Variants in MARCHF6 observed in about 807,000 individuals in gnomAD.
MARCHF6 encodes membrane associated ring-CH-type finger 6, also known as E3 ubiquitin-protein ligase MARCHF6.
A neutral mutation model predicts 133.7 loss-of-function variants in MARCHF6; 31 were observed. That is an observed-to-expected ratio of 0.23 (90% CI 0.17 to 0.31). The LOEUF (loss-of-function observed/expected upper bound fraction) is 0.31. MARCHF6 is among the 10% of genes least tolerant of loss of function. MARCHF6 has a pLI of 1.00. For synonymous variants in MARCHF6, 395 were observed against 402.5 expected, an observed-to-expected ratio of 0.98 and a Z score of 0.22; for missense variants, 723 against 1,121.6, an observed-to-expected ratio of 0.64 and a Z score of 5.08.
At chr5:10,380,581 A>G (rs1290150710) in intron 3 of MARCHF6, among the ~76,000 whole-genome samples, 2 of 152,226 alleles carry the variant, frequency 1.3e-5, no homozygotes, top group Non-Finnish European at 2.9e-5. Flanking sequence ...TTGCTCTTGT[A>G]TACCAGATAT....
In MARCHF6 at chr5:10,411,515, G is replaced by A. The variant is rs758641059; in HGVS notation, c.1874G>A (p.Arg625Gln). 7 of 1,613,876 alleles carry A rather than the reference G, an allele frequency of 4.3e-6. No individual in the cohort carries two copies. The highest frequency in any genetic ancestry group is 2.2e-5 in the East Asian group (1 of 44,880). The change falls in exon 19 of 26, where the codon CGA (arginine) becomes CAA (glutamine). Residue 625 changes from arginine (R) to glutamine (Q), a missense_variant. Physicochemically the swap from Arg to Gln is conservative, Grantham distance 43 (BLOSUM62 1). Around this residue, in one of 4 missense-constraint regions of MARCHF6, gnomAD observed 492 missense variants for 699.5 expected, o/e 0.70. Transcript: ENST00000274140. ...CCTGTTGGCTTTCAGCCTTACCGCC[G>A]ACCTTTAAATTTTCCACTCAGGGTA... is the stretch of plus-strand genomic sequence containing the variant. ...GGPVGFQPYR[R>Q]PLNFPLRIFL...
intron 14 of MARCHF6, 133 bp downstream of exon 14, chr5:10,402,740 A>G: frequency 1.3e-6 from 1 of 798,704 alleles, no homozygotes; most frequent in South Asian, 1.8e-5. Flanking sequence ...GTGTATCAGT[A>G]TAGGATCTTA....
chr5:10,433,770 T>G lies in MARCHF6; in HGVS notation c.*86T>G. The G allele has an allele frequency of 9.0e-7, 1 of 1,106,804 alleles. No individual in the cohort carries two copies. Among genetic ancestry groups the G allele is most frequent in the Non-Finnish European group, 1.4e-6 (1 of 726,764 alleles). 68.6% of individuals were successfully genotyped at this position (1,106,804 alleles called of 1,614,324 possible). A position where few individuals can be genotyped will look rare whatever the true frequency, so the allele number is the denominator to read the frequency against. ...TTTGGAGATTTTTCCCAGTGATCTC[T>G]CAGCGTTGTTTTTAAGTTAAATGTA... On this transcript the variant is annotated 3_prime_UTR_variant, in exon 26 of 26. Transcript: ENST00000274140.
At chr5:10,387,707 A>G (rs781365750) in intron 5 of MARCHF6, among the ~76,000 whole-genome samples, 11 of 152,010 alleles carry the variant, frequency 7.2e-5, no homozygotes, top group South Asian at 6.2e-4. Context: ...GCCTCGCTCT[A>G]TTACCTGGGG....
chr5:10,369,759 C>G (rs1393104535), intron 1 of MARCHF6, among the ~76,000 whole-genome samples: 1 of 152,042 alleles, frequency 6.6e-6, no homozygotes, highest in Non-Finnish European at 1.5e-5. Flanking sequence ...TCTTTTGAGT[C>G]TGGTTTCTTT....
chr5:10,376,722 G>A (rs1284547674), intron 1 of MARCHF6, among the ~76,000 whole-genome samples: 1 of 152,180 alleles, frequency 6.6e-6, no homozygotes, highest in East Asian at 1.9e-4. Context: ...TCACAGAAGA[G>A]TAGCCACAGG....
chr5:10,359,740 C>T (rs1735697027), intron 1 of MARCHF6, among the ~76,000 whole-genome samples: 1 of 152,184 alleles, frequency 6.6e-6, no homozygotes, highest in Non-Finnish European at 1.5e-5. Flanking sequence ...TGCGGTGGCT[C>T]ACGCCTGTAA....
rs1481358629 is a variant in MARCHF6, at chr5:10,384,545, G to A, written c.335-2449G>A. 2.0e-5 allele frequency among the ~76,000 whole-genome samples: 3 copies of A among 152,190 alleles called. 1 individual carries two copies. The highest frequency in any genetic ancestry group is 7.2e-5 in the African/African-American group (3 of 41,446). On this transcript the variant is annotated intron_variant, in intron 4 of 25. Transcript: ENST00000274140. ...CTGCAATGCTGACTGTAGAATGTGA[G>A]CATCTGTTTATTTTGTTATTGAGGA...
chr5:10,380,772 C>G (rs1004297121), intron 3 of MARCHF6, among the ~76,000 whole-genome samples: 25 of 152,062 alleles, frequency 1.6e-4, no homozygotes, highest in African/African-American at 4.6e-4. Flanking sequence ...ACTGAAAATA[C>G]AAAAATCAGC....
At chr5:10,411,787 C>G (rs1739245666) in intron 19 of MARCHF6, among the ~76,000 whole-genome samples, 1 of 152,216 alleles carries the variant, frequency 6.6e-6, no homozygotes, top group Non-Finnish European at 1.5e-5. Flanking sequence ...AATTAAGAAA[C>G]TAACATTATT....
rs1736564521 is a variant in MARCHF6, at chr5:10,373,121, A to C, written c.20-4677A>C. Among the ~76,000 whole-genome samples the C allele has an allele frequency of 3.9e-5, 6 of 152,058 alleles. No individual in the cohort carries two copies. In the South Asian group the frequency reaches 1.2e-3, roughly 32 times the overall value. On this transcript the variant is annotated intron_variant, in intron 1 of 25. Coordinates refer to ENST00000274140, the MANE Select transcript of MARCHF6 (RefSeq NM_005885.4). ...AAAACTTAAGTGTTACTAGGATAGT[A>C]GTTGTGTCTTTGCATTCTCTGAGTG...
At chr5:10,411,657 T>A in intron 19 of MARCHF6, 120 bp downstream of exon 19, 1 of 649,028 alleles carries the variant, frequency 1.5e-6, no homozygotes, top group East Asian at 3.0e-5. Context: ...GTTCCACATT[T>A]TATTACCCTC....
chr5:10,423,155 T>TTGG (rs1341994447), intron 22 of MARCHF6, among the ~76,000 whole-genome samples: 1 of 151,904 alleles, frequency 6.6e-6, no homozygotes, highest in African/African-American at 2.4e-5. Context: ...AAAGAGATAC[T>TTGG]TGGTGGTGGT....
intron 15 of MARCHF6, among the ~76,000 whole-genome samples, chr5:10,404,345 G>A (rs1312890365): frequency 1.3e-5 from 2 of 152,082 alleles, no homozygotes; most frequent in Non-Finnish European, 2.9e-5. Flanking sequence ...TGGGATTACA[G>A]GTGTGAGCCA....
At chr5:10,379,179 T>A (rs999963528) in intron 3 of MARCHF6, among the ~76,000 whole-genome samples, 4 of 152,152 alleles carry the variant, frequency 2.6e-5, no homozygotes, top group African/African-American at 9.7e-5. Flanking sequence ...ATAGCCTGTC[T>A]TGTTTTACAT....
chr5:10,361,615 A>G (rs1197291871), intron 1 of MARCHF6, among the ~76,000 whole-genome samples: 1 of 152,186 alleles, frequency 6.6e-6, no homozygotes, highest in Non-Finnish European at 1.5e-5. Flanking sequence ...ATATAGTTAC[A>G]TTGTGTATAC....
At chr5:10,417,535 C>A in intron 22 of MARCHF6, 131 bp downstream of exon 22, 2 of 1,194,772 alleles carry the variant, frequency 1.7e-6, no homozygotes, top group East Asian at 2.4e-5. Context: ...TGCTTGCACC[C>A]AGGAGTTCGA....
At chr5:10,390,019 C>T (rs1247928194) in intron 5 of MARCHF6, among the ~76,000 whole-genome samples, 1 of 152,156 alleles carries the variant, frequency 6.6e-6, no homozygotes, top group Admixed American at 6.5e-5. Flanking sequence ...TGCTGCCTTT[C>T]TGTTTCTAGG....
Position 10,402,434 on chromosome 5 carries a change from C to T in MARCHF6, c.1104C>T (p.Val368=). 6 of 1,613,796 alleles carry T rather than the reference C, an allele frequency of 3.7e-6. No homozygotes were observed. The highest frequency in any genetic ancestry group is 5.1e-6 in the Non-Finnish European group (6 of 1,179,848). The change falls in exon 13 of 26, where the codon GTC becomes GTT. Residue 368 remains valine (V), a synonymous_variant. Coordinates refer to ENST00000274140, the MANE Select transcript of MARCHF6 (RefSeq NM_005885.4). ...ATAGATCTCGTCGCTTACTGGGAGT[C>T]TGCTATATTGTTGTTAAGGTAATTC... ...KFHRSRRLLG[V]CYIVVKVSLL...
Sources: gnomAD v4.1 joint callset for allele counts (sites outside exome capture counted in the v4.1 genomes callset) on GRCh38, gnomAD v4.1.1 for gene constraint, gnomAD v4.1.1 regional missense constraint, MANE v1.5 for transcripts, NCBI Gene and HGNC (gene_info 2026-07-23, HGNC 2026-07-21) for gene names.